Variants in HPSE2 observed in about 807,000 individuals in gnomAD.
HPSE2 encodes inactive heparanase-2.
A neutral mutation model predicts 60.5 loss-of-function variants in HPSE2; 38 were observed. The observed-to-expected ratio is 0.63, with a 90% CI of 0.48 to 0.82. HPSE2 has a LOEUF of 0.82. HPSE2 is among the 40% of genes least tolerant of loss of function. HPSE2 has a pLI of 0.00. For missense variants in HPSE2, 713 were observed against 740.4 expected (o/e 0.96, Z 0.43); for synonymous variants, 295 against 293.2 (o/e 1.01, Z -0.06).
the HPSE2 span, among the ~76,000 whole-genome samples, chr10:99,288,822 G>A: frequency 6.7e-6 from 1 of 150,058 alleles, no homozygotes; most frequent in East Asian, 2.0e-4. Context: ...ACATAATGGA[G>A]AATCTGGGAT....
At chr10:98,908,487 C>G (rs1953886103) in intron 3 of HPSE2, among the ~76,000 whole-genome samples, 1 of 151,838 alleles carries the variant, frequency 6.6e-6, no homozygotes, top group Non-Finnish European at 1.5e-5. Context: ...AGTTCAAGAC[C>G]AGCCTGACCA....
intron 5 of HPSE2, among the ~76,000 whole-genome samples, chr10:98,720,554 T>C (rs548301828): frequency 2.6e-5 from 4 of 152,234 alleles, no homozygotes; most frequent in Non-Finnish European, 4.4e-5. Context: ...TGAAAAAAAT[T>C]TGGCAACAAA....
intron 3 of HPSE2, among the ~76,000 whole-genome samples, chr10:98,975,309 A>G (rs1956059531): frequency 6.6e-6 from 1 of 152,182 alleles, no homozygotes; most frequent in African/African-American, 2.4e-5. Context: ...AATAGAAACA[A>G]CAGCCACCTC....
intron 3 of HPSE2, among the ~76,000 whole-genome samples, chr10:99,006,527 C>T (rs1173216705): frequency 6.6e-6 from 1 of 152,184 alleles, no homozygotes; most frequent in Non-Finnish European, 1.5e-5. Context: ...GCTATCATGG[C>T]TCCAGGCTCC....
Position 98,906,176 on chromosome 10 carries a change from T to C in HPSE2, c.611-162120A>G, listed in dbSNP as rs560573206. 2.0e-5 allele frequency among the ~76,000 whole-genome samples: 3 copies of C among 152,280 alleles called. No homozygotes were observed. The East Asian group carries it at 5.8e-4, about 29-fold the overall frequency. ...TAGGAGGCATCACAGACCAATGTCT[T>C]CCTCTGCCCAATTCTGCTTTCTTCC... On this transcript the variant is annotated intron_variant, in intron 3 of 11. Transcript: ENST00000370552.
At chr10:99,311,406 T>C in the HPSE2 span, among the ~76,000 whole-genome samples, 289 of 152,354 alleles carry the variant, frequency 1.9e-3, 1 homozygote, top group Admixed American at 4.0e-3. Context: ...CATGTTTCTA[T>C]GTCACTTTTT....
chr10:98,878,566 T>C (rs897464814), intron 3 of HPSE2, among the ~76,000 whole-genome samples: 8 of 152,002 alleles, frequency 5.3e-5, no homozygotes, highest in Admixed American at 3.3e-4. Context: ...GATCCTAGTG[T>C]ATCCTAGTGA....
chr10:99,100,147 A>T lies in HPSE2; in HGVS notation c.610+44091T>A, dbSNP rs143653752. ...ATGGAACAAAGCTGGGTGGAGAATG[A>T]CTTTGACAAGTTGAGAGAAGAAGGC... On this transcript the variant is annotated intron_variant, in intron 3 of 11. Transcript: ENST00000370552. Among the ~76,000 whole-genome samples the T allele has an allele frequency of 1.8e-3, 271 of 152,340 alleles. 2 individuals are homozygous for T. Among genetic ancestry groups the T allele is most frequent in the African/African-American group, 6.3e-3 (263 of 41,574 alleles).
chr10:99,181,955 G>GT (rs749029466), intron 2 of HPSE2, among the ~76,000 whole-genome samples: 1 of 152,082 alleles, frequency 6.6e-6, no homozygotes, highest in Non-Finnish European at 1.5e-5. Flanking sequence ...GAAAGACCAC[G>GT]TAAGACCACA....
intron 3 of HPSE2, among the ~76,000 whole-genome samples, chr10:98,921,020 T>C (rs1479091007): frequency 6.6e-6 from 1 of 152,186 alleles, no homozygotes; most frequent in Non-Finnish European, 1.5e-5. Flanking sequence ...TAGTTAAGTG[T>C]GCAGGCTCTG....
At chr10:99,002,288 T>A (rs914462419) in intron 3 of HPSE2, among the ~76,000 whole-genome samples, 2 of 152,108 alleles carry the variant, frequency 1.3e-5, no homozygotes, top group Admixed American at 1.3e-4. Context: ...AGATATTCCA[T>A]CCTCATGGAG....
chr10:98,529,068 A>ACG (rs1943057078), intron 9 of HPSE2, among the ~76,000 whole-genome samples: 1 of 152,250 alleles, frequency 6.6e-6, no homozygotes, highest in African/African-American at 2.4e-5. Context: ...AAATGCGCGC[A>ACG]CGCGCGCACA....
rs545430533 is a variant in HPSE2 at position 98,728,463 on chromosome 10, C to T, written c.785-6635G>A. 3.3e-5 allele frequency among the ~76,000 whole-genome samples: 5 copies of T among 152,118 alleles called. No individual in the cohort carries two copies. The South Asian group carries it at 1.0e-3, about 32-fold the overall frequency. ...TGAAACCCTGTCTCTACTAAAAATA[C>T]AAAAATTACCCCTGTGTGGTGCTGG... On this transcript the variant is annotated intron_variant, in intron 4 of 11. Coordinates refer to ENST00000370552, the MANE Select transcript of HPSE2 (RefSeq NM_021828.5).
chr10:99,087,586 C>A (rs1843365719), intron 3 of HPSE2, among the ~76,000 whole-genome samples: 1 of 152,130 alleles, frequency 6.6e-6, no homozygotes, highest in African/African-American at 2.4e-5. Context: ...ATGAAGGCTG[C>A]GATCAAGTGA....
intron 3 of HPSE2, among the ~76,000 whole-genome samples, chr10:98,974,359 G>A (rs369241782): frequency 6.6e-6 from 1 of 151,878 alleles, no homozygotes; most frequent in East Asian, 1.9e-4. Flanking sequence ...GTTTTGAGAT[G>A]GAGTCTCGCT....
chr10:98,865,185 A>G (rs1266330585), intron 3 of HPSE2, among the ~76,000 whole-genome samples: 4 of 152,156 alleles, frequency 2.6e-5, no homozygotes, highest in African/African-American at 9.6e-5. Flanking sequence ...CTTCCCAACC[A>G]GAGGAATTTA....
chr10:99,148,062 CTA>C (rs1449524710), intron 2 of HPSE2, among the ~76,000 whole-genome samples: 2 of 152,198 alleles, frequency 1.3e-5, no homozygotes, highest in African/African-American at 4.8e-5. Context: ...TAAGTCAGTG[CTA>C]TGATATTGCT....
chr10:98,533,362 C>T (rs1434678301), intron 9 of HPSE2, among the ~76,000 whole-genome samples: 4 of 152,128 alleles, frequency 2.6e-5, no homozygotes, highest in Admixed American at 1.3e-4. Context: ...TAGAATAATG[C>T]CTTAATACAA....
chr10:98,916,180 G>C lies in HPSE2; in HGVS notation c.611-172124C>G, dbSNP rs76892014. On this transcript the variant is annotated intron_variant, in intron 3 of 11. Transcript: ENST00000370552. The stretch of plus-strand genomic sequence containing the variant: ...TCCAGGTTTGTCAGAGGACCAAATG[G>C]TGTTCTTTGAAGATTAAAGAATATA... Among the ~76,000 whole-genome samples the C allele has an allele frequency of 7.2e-5, 11 of 152,328 alleles. No homozygotes were observed. In the East Asian group the frequency reaches 2.1e-3, roughly 29 times the overall value.
Sources: gnomAD v4.1 joint callset for allele counts (sites outside exome capture counted in the v4.1 genomes callset) on GRCh38, gnomAD v4.1.1 for gene constraint, MANE v1.5 for transcripts, NCBI Gene and HGNC (gene_info 2026-07-23, HGNC 2026-07-21) for gene names.